The following MMP25 variants were observed in gnomAD, a reference collection of about 807,000 sequenced individuals.
MMP25 encodes the protein matrix metallopeptidase 25.
In MMP25, 68 loss-of-function variants were observed where a neutral mutation model predicts 62.1. The observed-to-expected ratio is 1.10, with a 90% CI of 0.90 to 1.34. The LOEUF (loss-of-function observed/expected upper bound fraction) is 1.34, where lower values mean the gene tolerates loss of function less well. Ranked by LOEUF, MMP25 falls within the 40% of genes most tolerant of loss-of-function variation. The probability of loss-of-function intolerance (pLI) is 0.00; values close to 1 mark genes in which losing one functional copy is unlikely to be tolerated. For synonymous variants in MMP25, 407 were observed against 345.6 expected (o/e 1.18, Z -1.97); for missense variants, 942 against 792.5 (o/e 1.19, Z -2.26).
rs1357627876 is a variant in MMP25, at chr16:3,059,210, G to T, written c.*112G>T. 6.2e-6 allele frequency: 8 copies of T among 1,285,748 alleles called. No homozygotes were observed. Among genetic ancestry groups the T allele is most frequent in the African/African-American group, 3.0e-5 (2 of 65,704 alleles). 79.6% of individuals were successfully genotyped at this position (1,285,748 alleles called of 1,614,324 possible). A position where few individuals can be genotyped will look rare whatever the true frequency, so the allele number is the denominator to read the frequency against. On this transcript the variant is annotated 3_prime_UTR_variant, in exon 10 of 10. Coordinates refer to ENST00000336577, the MANE Select transcript of MMP25 (RefSeq NM_022468.5). ...AGGCCCCTTGTCTGTTCCCACGGAC[G>T]GGGGCTCGGGCGCGGACTAAGCAGG... is the stretch of plus-strand genomic sequence containing the variant.
At chr16:3,058,748 C>T (rs1009266928) in intron 9 of MMP25, 79 bp downstream of exon 9, 1 of 1,517,754 alleles carries the variant, frequency 6.6e-7, no homozygotes, top group Admixed American at 2.1e-5. Context: ...ATGGAGGCCA[C>T]CCTGCGGGGA....
At position 3,057,038 on chromosome 16, in the gene MMP25, G is replaced by T. The variant is rs375193851; in HGVS notation, c.667G>T (p.Glu223Ter). 8.9e-6 allele frequency: 14 copies of T among 1,572,870 alleles called. No homozygotes were observed. The African/African-American group carries it at 1.9e-4, about 21-fold the overall frequency. Residue 223 changes from glutamate to a stop codon, truncating the protein, a stop_gained, in exon 5 of 10, where the codon GAG becomes TAG. Transcript: ENST00000336577. LOFTEE classifies it high-confidence loss of function. ...TCACCCACTTTCTCCTGCAGACGGC[G>T]AGGGGACCGACCTGTTTGCCGTGGC... ...ETWTFGSKDG[E>*]GTDLFAVAVH...
Position 3,058,969 on chromosome 16 carries a change from C to T in MMP25, c.1560C>T (p.Pro520=), listed in dbSNP as rs779147422. 9 of 1,553,936 alleles carry T rather than the reference C, an allele frequency of 5.8e-6. No homozygotes were observed. The highest frequency in any genetic ancestry group is 2.7e-5 in the African/African-American group (2 of 73,248). ...APSSGPRAPR[P]PKATPVSETC... ...GCTCTGGTCCCCGCGCCCCCAGGCCCCCCAAAGCGACCCCCGTGTCCGAAA... is the reference window on the plus strand; with the variant it reads ...GCTCTGGTCCCCGCGCCCCCAGGCCTCCCAAAGCGACCCCCGTGTCCGAAA... Residue 520 remains proline, a synonymous_variant, in exon 10 of 10, where the codon CCC becomes CCT. Coordinates refer to ENST00000336577, the MANE Select transcript of MMP25 (RefSeq NM_022468.5).
In MMP25 at chr16:3,058,514, C is replaced by G; in HGVS notation, c.1262C>G (p.Ser421Trp). 1 of 1,610,544 alleles carries G rather than the reference C, an allele frequency of 6.2e-7. No individual in the cohort carries two copies. Among genetic ancestry groups the G allele is most frequent in the South Asian group, 1.1e-5 (1 of 90,820 alleles). The part of the protein sequence containing the change: ...PPGEEVDAVF[S>W]WPQNGKTYLV... ...GGAGAGGAGGTGGACGCCGTGTTCT[C>G]GTGGCCACAGAACGGGAAGACCTAC... is the stretch of plus-strand genomic sequence containing the variant. Residue 421 changes from serine (S) to tryptophan (W), a missense_variant, in exon 9 of 10, where the codon TCG (serine) becomes TGG (tryptophan). By Grantham distance (177) the Ser-to-Trp change is radical. Coordinates refer to ENST00000336577, the MANE Select transcript of MMP25 (RefSeq NM_022468.5).
In MMP25 at chr16:3,058,528, G is replaced by C. The variant is rs747800563; in HGVS notation, c.1276G>C (p.Gly426Arg). ...VDAVFSWPQNGKTYLVRGRQY... is the reference protein window; with the variant it reads ...VDAVFSWPQNRKTYLVRGRQY... ...CGCCGTGTTCTCGTGGCCACAGAACGGGAAGACCTACCTGGTCCGCGGCCG... is the reference window on the plus strand; with the variant it reads ...CGCCGTGTTCTCGTGGCCACAGAACCGGAAGACCTACCTGGTCCGCGGCCG... Residue 426 changes from glycine to arginine, a missense_variant, in exon 9 of 10, where the codon GGG becomes CGG. Coordinates refer to ENST00000336577, the MANE Select transcript of MMP25 (RefSeq NM_022468.5). 3.7e-6 allele frequency: 6 copies of C among 1,611,030 alleles called. No individual in the cohort carries two copies. In the South Asian group the frequency reaches 6.6e-5, roughly 18 times the overall value.
Position 3,058,336 on chromosome 16 carries a change from G to A in MMP25, c.1159+3G>A. 3 of 1,551,670 alleles carry A rather than the reference G, an allele frequency of 1.9e-6. No individual in the cohort carries two copies. Among genetic ancestry groups the A allele is most frequent in the Non-Finnish European group, 2.6e-6 (3 of 1,151,800 alleles). On this transcript the variant is annotated splice_donor_region_variant and intron_variant, in intron 8 of 9. Transcript: ENST00000336577. The stretch of plus-strand genomic sequence containing the variant: ...CGGCCGAATCCTCCTCTTTAGCGGT[G>A]AGTGGGGCCGGCGGCGGGGCGCGCT...
Position 3,059,083 on chromosome 16 carries a change from T to C in MMP25, c.1674T>C (p.Gly558=). ...PLLLLPLLVG[G]VASR ...TCCTCTTGCCCCTGCTGGTGGGGGG[T>C]GTAGCCTCCCGCTGATGGGGGGAGC... The change falls in exon 10 of 10, where the codon GGT becomes GGC. Residue 558 remains glycine, a synonymous_variant. Transcript: ENST00000336577. The C allele has an allele frequency of 6.5e-7, 1 of 1,544,674 alleles. No homozygotes were observed. The highest frequency in any genetic ancestry group is 1.4e-5 in the African/African-American group (1 of 72,866).
At position 3,050,563 on chromosome 16, in the gene MMP25, T is replaced by G. The variant is rs768392058; in HGVS notation, c.661+17T>G. 1 of 1,511,688 alleles carries G rather than the reference T, an allele frequency of 6.6e-7. No individual in the cohort carries two copies. The highest frequency in any genetic ancestry group is 1.3e-5 in the South Asian group (1 of 76,202). 93.6% of individuals were successfully genotyped at this position (1,511,688 alleles called of 1,614,324 possible). A position where few individuals can be genotyped will look rare whatever the true frequency, so the allele number is the denominator to read the frequency against. ...GGTCAAAAGGTAAAATCTCCTCTCT[T>G]ATGAGAGATCCTCTTGCCAGGTCTG... On this transcript the variant is annotated intron_variant, in intron 4 of 9. Coordinates refer to ENST00000336577, the MANE Select transcript of MMP25 (RefSeq NM_022468.5).
At chr16:3,056,838 A>G in intron 4 of MMP25, 195 bp from the exon 5 acceptor site, 1 of 565,430 alleles carries the variant, frequency 1.8e-6, no homozygotes, top group Non-Finnish European at 3.1e-6. Context: ...TCCAGTGTCC[A>G]TCACAGCCAT....
rs367827689 is a variant in MMP25, at chr16:3,058,873, G to A, written c.1464G>A (p.Lys488=). 3 of 1,554,960 alleles carry A rather than the reference G, an allele frequency of 1.9e-6. No individual in the cohort carries two copies. Among genetic ancestry groups the A allele is most frequent in the Middle Eastern group, 1.7e-4 (1 of 5,934 alleles). Residue 488 remains lysine, a synonymous_variant, in exon 10 of 10, where the codon AAG becomes AAA. Transcript: ENST00000336577. Reference sequence around the variant, plus strand: ...GCGCCCACTACTGGCGCTTCCCCAAGAACAGCATCAAGACCGAGCCGGACG... The same window carrying A: ...GCGCCCACTACTGGCGCTTCCCCAAAAACAGCATCAAGACCGAGCCGGACG... ...FKGAHYWRFP[K]NSIKTEPDAP...
intron 4 of MMP25, chr16:3,055,940 C>T (rs1330490961): frequency 6.6e-6 from 3 of 455,394 alleles, no homozygotes; most frequent in African/African-American, 6.0e-5. Context: ...GTCCTGAGCG[C>T]CTGAGCTGAA....
chr16:3,052,968 T>A (rs1185338148), intron 4 of MMP25: 1 of 152,794 alleles, frequency 6.5e-6, no homozygotes, highest in East Asian at 1.9e-4. Context: ...AGGAGGCTGA[T>A]CGCATGGGAG....
chr16:3,055,605 C>T (rs534851151), intron 4 of MMP25: 39 of 324,108 alleles, frequency 1.2e-4, no homozygotes, highest in South Asian at 4.7e-4. Context: ...TGAACGAAAA[C>T]GTGTTTGCTA....
At chr16:3,056,961 C>G in intron 4 of MMP25, 72 bp from the exon 5 acceptor site, 1 of 1,488,232 alleles carries the variant, frequency 6.7e-7, no homozygotes, top group Non-Finnish European at 8.9e-7. Flanking sequence ...CCCAGCTGCA[C>G]TCGCAGGGCC....
Position 3,057,651 on chromosome 16 carries a change from C to T in MMP25, c.1006+38C>T, listed in dbSNP as rs540105018. ...ACTTGGCCTCATATATGTTGGTTTC[C>T]TGCCCACTTCCAGTGACCCACTGGG... On this transcript the variant is annotated intron_variant, in intron 7 of 9. Coordinates refer to ENST00000336577, the MANE Select transcript of MMP25 (RefSeq NM_022468.5). 2.5e-6 allele frequency: 4 copies of T among 1,589,388 alleles called. No individual in the cohort carries two copies. In the Admixed American group the frequency reaches 5.0e-5, roughly 20 times the overall value.
chr16:3,048,082 G>T (rs1415700915), intron 2 of MMP25, among the ~76,000 whole-genome samples: 1 of 152,114 alleles, frequency 6.6e-6, no homozygotes. Flanking sequence ...CAGGTAACCC[G>T]CCGGCCTTGG....
chr16:3,058,306 C>A lies in MMP25; in HGVS notation c.1132C>A (p.Arg378=), dbSNP rs765111576. ...RVVQAAYARH[R]DGRILLFSGP... is the part of the protein sequence containing the mutation. ...GGTGCAGGCCGCCTATGCTCGGCAC[C>A]GAGACGGCCGAATCCTCCTCTTTAG... Residue 378 remains arginine (R), a synonymous_variant, in exon 8 of 10, where the codon CGA becomes AGA. Coordinates refer to ENST00000336577, the MANE Select transcript of MMP25 (RefSeq NM_022468.5). The A allele has an allele frequency of 1.2e-6, 2 of 1,601,348 alleles. No homozygotes were observed. Among genetic ancestry groups the A allele is most frequent in the Middle Eastern group, 1.7e-4 (1 of 5,916 alleles).
intron 2 of MMP25, 142 bp downstream of exon 2, chr16:3,047,689 C>G (rs1007384292): frequency 1.1e-6 from 1 of 898,976 alleles, no homozygotes; most frequent in East Asian, 2.7e-5. Context: ...GGGCCTCAGG[C>G]GTTCATCTTT....
intron 4 of MMP25, chr16:3,056,767 C>T: frequency 5.0e-6 from 2 of 402,156 alleles, no homozygotes; most frequent in Non-Finnish European, 8.9e-6. Context: ...AGGAGGGGCC[C>T]CATCGGTGTG....
Sources: allele counts gnomAD v4.1 joint callset (sites outside exome capture counted in the v4.1 genomes callset), GRCh38; gene constraint gnomAD v4.1.1; transcripts MANE v1.5; gene names NCBI Gene and HGNC (gene_info 2026-07-23, HGNC 2026-07-21).